The following CAMTA1 variants were observed in gnomAD, a reference collection of about 807,000 sequenced individuals.
CAMTA1 encodes the protein calmodulin binding transcription activator 1, also known as calmodulin-binding transcription activator 1.
CAMTA1 carries 27 observed loss-of-function variants against 170.9 expected under a neutral mutation model. The observed-to-expected ratio is 0.16, with a 90% confidence interval of 0.12 to 0.22. The LOEUF is 0.22. CAMTA1 is among the 10% of genes least tolerant of loss of function. The pLI is 1.00. For missense variants in CAMTA1, 1,619 were observed against 2,217.2 expected, an observed-to-expected ratio of 0.73 and a Z score of 5.42; for synonymous variants, 833 against 891.5, an observed-to-expected ratio of 0.93 and a Z score of 1.17.
chr1:7,091,068 C>A (rs1311313018), intron 3 of CAMTA1, among the ~76,000 whole-genome samples: 1 of 152,102 alleles, frequency 6.6e-6, no homozygotes, highest in Non-Finnish European at 1.5e-5. Flanking sequence ...TTTGTCCTTG[C>A]CACCGACTCA....
At chr1:6,966,826 G>A (rs1402775320) in intron 3 of CAMTA1, among the ~76,000 whole-genome samples, 3 of 151,428 alleles carry the variant, frequency 2.0e-5, no homozygotes, top group Non-Finnish European at 4.4e-5. Flanking sequence ...TGCCCAGGCT[G>A]GTCTCGAACT....
intron 4 of CAMTA1, among the ~76,000 whole-genome samples, chr1:7,123,932 T>G (rs958662357): frequency 2.0e-5 from 3 of 152,134 alleles, no homozygotes; most frequent in African/African-American, 7.2e-5. Context: ...AAGTGTCTCA[T>G]GGGGTTGACC....
chr1:7,291,633 A>G (rs1399723684), intron 5 of CAMTA1, among the ~76,000 whole-genome samples: 6 of 152,256 alleles, frequency 3.9e-5, no homozygotes, highest in Admixed American at 3.9e-4. Context: ...CTGATATCAC[A>G]GCAACAGCAC....
chr1:7,094,535 T>G (rs1641840569), intron 4 of CAMTA1, among the ~76,000 whole-genome samples: 1 of 152,210 alleles, frequency 6.6e-6, no homozygotes, highest in Non-Finnish European at 1.5e-5. Flanking sequence ...TGTAATCAGT[T>G]CACATATAGA....
intron 5 of CAMTA1, among the ~76,000 whole-genome samples, chr1:7,322,195 C>G (rs928602934): frequency 1.3e-5 from 2 of 152,230 alleles, no homozygotes; most frequent in African/African-American, 4.8e-5. Flanking sequence ...GTCTAACCTG[C>G]TTTGCATCTC....
At chr1:7,012,426 C>T (rs777923009) in intron 3 of CAMTA1, among the ~76,000 whole-genome samples, 5 of 152,122 alleles carry the variant, frequency 3.3e-5, no homozygotes, top group Admixed American at 6.5e-5. Context: ...TTTCTGGCAC[C>T]GGTCTTTCTC....
intron 5 of CAMTA1, among the ~76,000 whole-genome samples, chr1:7,321,546 G>C (rs192883325): frequency 6.6e-6 from 1 of 152,258 alleles, no homozygotes; most frequent in Non-Finnish European, 1.5e-5. Context: ...CAGGTATTCT[G>C]GGCATACATG....
At chr1:7,457,908 C>A (rs1399655572) in intron 5 of CAMTA1, among the ~76,000 whole-genome samples, 2 of 152,212 alleles carry the variant, frequency 1.3e-5, no homozygotes, top group Non-Finnish European at 2.9e-5. Context: ...GGAGCTCCGG[C>A]CGACCCAGAT....
chr1:6,963,355 C>T (rs2149535814), intron 3 of CAMTA1, among the ~76,000 whole-genome samples: 1 of 149,094 alleles, frequency 6.7e-6, no homozygotes, highest in South Asian at 2.1e-4. Flanking sequence ...TCCTTGCCCG[C>T]GCCGCCCCTC....
intron 3 of CAMTA1, among the ~76,000 whole-genome samples, chr1:7,059,280 G>T (rs555490394): frequency 6.6e-6 from 1 of 152,310 alleles, no homozygotes; most frequent in Admixed American, 6.5e-5. Context: ...GGAGGTGGTG[G>T]GTGGAAGAGG....
intron 3 of CAMTA1, among the ~76,000 whole-genome samples, chr1:6,835,233 A>C (rs1013881173): frequency 6.6e-6 from 1 of 152,232 alleles, no homozygotes; most frequent in African/African-American, 2.4e-5. Context: ...ATGAGGATCC[A>C]GTTTGGGCCC....
rs188609172 is a variant in CAMTA1, at chr1:6,861,729, A to G, written c.234+36519A>G. On this transcript the variant is annotated intron_variant, in intron 3 of 22. Coordinates refer to ENST00000303635, the MANE Select transcript of CAMTA1 (RefSeq NM_015215.4). Reference sequence around the variant, plus strand: ...AAAAAATTTTTAATTGTGGTAAAATATACATATATAAAATTTGTTGTCTTA... The same window carrying G: ...AAAAAATTTTTAATTGTGGTAAAATGTACATATATAAAATTTGTTGTCTTA... Among the ~76,000 whole-genome samples, 5 of 152,306 alleles carry G rather than the reference A, an allele frequency of 3.3e-5. 1 individual carries two copies. Among genetic ancestry groups the G allele is most frequent in the African/African-American group, 1.2e-4 (5 of 41,570 alleles).
chr1:7,295,448 G>A (rs1289378330), intron 5 of CAMTA1, among the ~76,000 whole-genome samples: 1 of 152,164 alleles, frequency 6.6e-6, no homozygotes, highest in African/African-American at 2.4e-5. Flanking sequence ...CTTTGGATCT[G>A]CACAGTGGTA....
At chr1:6,796,971 G>A (rs778701311) in intron 1 of CAMTA1, among the ~76,000 whole-genome samples, 11 of 152,176 alleles carry the variant, frequency 7.2e-5, no homozygotes, top group Admixed American at 1.3e-4. Flanking sequence ...GAAATAAAAC[G>A]TGTTATATTT....
intron 4 of CAMTA1, among the ~76,000 whole-genome samples, chr1:7,147,823 ACACACACAAACTCATATACCATG>A (rs1558167180): frequency 6.6e-6 from 1 of 150,674 alleles, no homozygotes. Context: ...TACACCATGC[ACACACACAAACTCATATACCATG>A]CACACACACA....
chr1:7,078,743 G>A (rs1639636923), intron 3 of CAMTA1, among the ~76,000 whole-genome samples: 1 of 152,216 alleles, frequency 6.6e-6, no homozygotes, highest in Non-Finnish European at 1.5e-5. Flanking sequence ...GAGTAGGACT[G>A]TGGTTGCTAA....
chr1:7,135,156 G>A (rs1055604190), intron 4 of CAMTA1, among the ~76,000 whole-genome samples: 2 of 152,174 alleles, frequency 1.3e-5, no homozygotes, highest in African/African-American at 4.8e-5. Context: ...GGAGGCCGGG[G>A]CAGGCGGATC....
At chr1:6,932,954 T>C (rs1306232769) in intron 3 of CAMTA1, among the ~76,000 whole-genome samples, 1 of 152,234 alleles carries the variant, frequency 6.6e-6, no homozygotes, top group African/African-American at 2.4e-5. Context: ...TTTCATCCTC[T>C]TAACAGTATC....
rs1168232134 is a variant in CAMTA1, at chr1:7,682,200, C to G, written c.2914+4467C>G. Among the ~76,000 whole-genome samples the G allele has an allele frequency of 6.6e-6, 1 of 152,194 alleles. No homozygotes were observed. The highest frequency in any genetic ancestry group is 2.4e-5 in the African/African-American group (1 of 41,454). ...GGGGACCCTGTCATCTCAGGCAGAG[C>G]GGGGAGCATGGACTAAAAGCTCAAA... On this transcript the variant is annotated intron_variant, in intron 11 of 22. Coordinates refer to ENST00000303635, the MANE Select transcript of CAMTA1 (RefSeq NM_015215.4). The surrounding 1 kb of genome is among the most constrained non-coding windows in gnomAD (Gnocchi z 5.0).
Sources: allele counts gnomAD v4.1 joint callset (sites outside exome capture counted in the v4.1 genomes callset), GRCh38; gene constraint gnomAD v4.1.1; non-coding constraint Gnocchi (gnomAD v3.1); transcripts MANE v1.5; gene names NCBI Gene and HGNC (gene_info 2026-07-23, HGNC 2026-07-21).